SETD7: variants seen among roughly 807,000 people sequenced by gnomAD.
SETD7 encodes the protein SET domain containing 7, histone lysine methyltransferase.
In SETD7, 16 loss-of-function variants were observed where a neutral mutation model predicts 41.8. The observed-to-expected ratio is 0.38, with a 90% CI of 0.26 to 0.58. The LOEUF (loss-of-function observed/expected upper bound fraction) is 0.58, where lower values mean the gene tolerates loss of function less well. Among genes scored for constraint, SETD7 ranks in the 20% least tolerant of loss-of-function variants. SETD7 has a pLI of 0.64. For synonymous variants in SETD7, 163 were observed against 169.7 expected (o/e 0.96, Z 0.31); for missense variants, 346 against 459.7 (o/e 0.75, Z 2.26).
chr4:139,524,706 C>T (rs545006015), intron 4 of SETD7, among the ~76,000 whole-genome samples: 18 of 152,198 alleles, frequency 1.2e-4, no homozygotes, highest in Non-Finnish European at 1.6e-4. Flanking sequence ...CAAGGGGCAG[C>T]AGCCTCTTGC....
chr4:139,513,435 GA>G lies in SETD7; in HGVS notation c.921-1593del, dbSNP rs1261738448. 6.1e-5 allele frequency among the ~76,000 whole-genome samples: 9 copies of G among 146,632 alleles called. No individual in the cohort carries two copies. The East Asian group carries it at 1.2e-3, about 19-fold the overall frequency. On this transcript the variant is annotated intron_variant, in intron 7 of 7. Transcript: ENST00000274031. ...ACTTTGTCTCAAAAAAAAAAAAAAA[GA>G]AAAAAAAGATTGGTGCTTGGGGCAT... is the stretch of plus-strand genomic sequence containing the variant.
chr4:139,512,316 GC>G (rs1158807467), intron 7 of SETD7, among the ~76,000 whole-genome samples: 1 of 152,160 alleles, frequency 6.6e-6, no homozygotes, highest in Non-Finnish European at 1.5e-5. Flanking sequence ...GTAAGAAAGA[GC>G]CCTGTGGATT....
chr4:139,550,561 A>C (rs988959752), intron 1 of SETD7, among the ~76,000 whole-genome samples: 5 of 152,230 alleles, frequency 3.3e-5, no homozygotes, highest in African/African-American at 1.2e-4. Flanking sequence ...GCCACAACCA[A>C]AACAATAACA....
At chr4:139,541,686 C>A (rs1727782567) in intron 2 of SETD7, among the ~76,000 whole-genome samples, 1 of 152,192 alleles carries the variant, frequency 6.6e-6, no homozygotes, top group Admixed American at 6.5e-5. Flanking sequence ...ATTTGTAGGG[C>A]AAACCATCTG....
chr4:139,547,428 C>G lies in SETD7; in HGVS notation c.41-379G>C, dbSNP rs562951502. 9.9e-4 allele frequency among the ~76,000 whole-genome samples: 151 copies of G among 152,310 alleles called. 1 individual carries two copies. Among genetic ancestry groups the G allele is most frequent in the African/African-American group, 3.5e-3 (146 of 41,560 alleles). ...GAGTCCTCATATTTGGAATTGATGC[C>G]TCCAATCTCTCATGCTTAACTGAAG... On this transcript the variant is annotated intron_variant, in intron 1 of 7. Transcript: ENST00000274031.
chr4:139,554,440 C>G (rs1728200951), intron 1 of SETD7, among the ~76,000 whole-genome samples: 1 of 152,224 alleles, frequency 6.6e-6, no homozygotes, highest in African/African-American at 2.4e-5. Context: ...TTAATTTTTA[C>G]AAGTAAAAGT....
chr4:139,521,836 G>T (rs1474183931), intron 5 of SETD7, among the ~76,000 whole-genome samples: 2 of 152,188 alleles, frequency 1.3e-5, no homozygotes, highest in South Asian at 2.1e-4. Flanking sequence ...GCCCTAGGGG[G>T]CTGTTGCTCC....
intron 7 of SETD7, among the ~76,000 whole-genome samples, chr4:139,498,019 CAGG>C (rs755111406): frequency 7.2e-5 from 11 of 152,186 alleles, no homozygotes; most frequent in Non-Finnish European, 1.5e-4. Flanking sequence ...TGGGAAAGTG[CAGG>C]AGATTTACGG....
intron 1 of SETD7, among the ~76,000 whole-genome samples, chr4:139,551,618 C>A (rs1055416911): frequency 1.3e-5 from 2 of 152,190 alleles, no homozygotes; most frequent in Non-Finnish European, 2.9e-5. Flanking sequence ...CTTAATGTCT[C>A]AGGCTTACTC....
chr4:139,522,741 CTTTTTTT>C (rs11357611), intron 5 of SETD7, among the ~76,000 whole-genome samples: 6 of 93,452 alleles, frequency 6.4e-5, no homozygotes, highest in Admixed American at 1.4e-4. Flanking sequence ...CCCAGCTGCT[CTTTTTTT>C]TTTTTTTTTT....
rs1410434193 is a variant in SETD7, at chr4:139,520,333, C to T, written c.706G>A (p.Val236Met). 11 of 1,611,732 alleles carry T rather than the reference C, an allele frequency of 6.8e-6. No individual in the cohort carries two copies. The highest frequency in any genetic ancestry group is 9.3e-6 in the Non-Finnish European group (11 of 1,178,830). ...AGEGLFSKVA[V>M]GPNTVMSFYN... is the part of the protein sequence containing the mutation. The stretch of plus-strand genomic sequence containing the variant: ...AAAGACATAACAGTATTAGGTCCCA[C>T]AGCTACCTTTGAAAAAAGTCCTTCT... Residue 236 changes from valine (V) to methionine (M), a missense_variant, in exon 6 of 8, where the codon GTG becomes ATG. By Grantham distance (21) the Val-to-Met change is conservative. Around this residue, in one of 3 missense-constraint regions of SETD7, gnomAD observed 266 missense variants for 377.0 expected, o/e 0.71. Coordinates refer to ENST00000274031, the MANE Select transcript of SETD7 (RefSeq NM_030648.4).
chr4:139,546,982 A>G lies in SETD7; in HGVS notation c.108T>C (p.Phe36=). The change falls in exon 2 of 8, where the codon TTT becomes TTC. Residue 36 remains phenylalanine, a synonymous_variant. Coordinates refer to ENST00000274031, the MANE Select transcript of SETD7 (RefSeq NM_030648.4). ...TTTCTCCGTGAACAAAGTTCCCCTC[A>G]AATCTGTCTGTGGAGGAGTAGGTGA... is the stretch of plus-strand genomic sequence containing the variant. ...CTVTYSSTDR[F]EGNFVHGEKN... 1.9e-6 allele frequency: 3 copies of G among 1,614,202 alleles called. No individual in the cohort carries two copies. Among genetic ancestry groups the G allele is most frequent in the Non-Finnish European group, 2.5e-6 (3 of 1,180,032 alleles).
chr4:139,548,268 A>G (rs1335311194), intron 1 of SETD7: 1 of 152,262 alleles, frequency 6.6e-6, no homozygotes, highest in Non-Finnish European at 1.5e-5. Context: ...GTCTCCTCAA[A>G]TAATTTATTC....
intron 2 of SETD7, among the ~76,000 whole-genome samples, chr4:139,541,032 A>G (rs1727764201): frequency 6.6e-6 from 1 of 152,214 alleles, no homozygotes; most frequent in Non-Finnish European, 1.5e-5. Context: ...CCCTTTTGGC[A>G]AATGTAGCCA....
rs143297123 is a variant in SETD7, at chr4:139,533,194, G to A, written c.343C>T (p.Arg115Cys). 5.6e-6 allele frequency: 9 copies of A among 1,614,094 alleles called. No homozygotes were observed. Among genetic ancestry groups the A allele is most frequent in the Non-Finnish European group, 7.6e-6 (9 of 1,179,982 alleles). ...TAATATATCCAGCACACTCCATGAC[G>A]AATGTTATCTTTATACTGCCCCTTG... ...IFKGQYKDNI[R>C]HGVCWIYYPD... Residue 115 changes from arginine to cysteine, a missense_variant, in exon 3 of 8, where the codon CGT becomes TGT. Transcript: ENST00000274031.
At chr4:139,535,030 GA>G (rs755807677) in intron 2 of SETD7, among the ~76,000 whole-genome samples, 14 of 152,050 alleles carry the variant, frequency 9.2e-5, no homozygotes, top group Non-Finnish European at 1.8e-4. Context: ...TTCATGAAGA[GA>G]ATAAAGTGCA....
chr4:139,533,394 A>AT, intron 2 of SETD7, 28 bp from the exon 3 acceptor site: 1 of 1,583,146 alleles, frequency 6.3e-7, no homozygotes, highest in Admixed American at 1.7e-5. Context: ...ACAAAAAGGA[A>AT]TAGTCAGACC....
intron 7 of SETD7, among the ~76,000 whole-genome samples, chr4:139,498,246 A>G (rs1726503125): frequency 6.6e-6 from 1 of 152,148 alleles, no homozygotes. Context: ...ATTCCTAGAG[A>G]TAGCAAAGGC....
In SETD7 at chr4:139,507,798, T is replaced by C. The variant is rs2111116134; in HGVS notation, c.*3865A>G. On this transcript the variant is annotated 3_prime_UTR_variant, in exon 8 of 8. Transcript: ENST00000274031. ...GAAAAACAATAATAATCTATCAAGG[T>C]ACCCCAAGTAGATGTAAATTTGATA... 6.6e-6 allele frequency: 1 copy of C among 152,582 alleles called. No homozygotes were observed. The highest frequency in any genetic ancestry group is 2.1e-4 in the South Asian group (1 of 4,830). The allele number at this position is 152,582 out of a possible 1,614,324, so 9.5% of individuals were successfully genotyped here.
Sources: gnomAD v4.1 joint callset for allele counts (sites outside exome capture counted in the v4.1 genomes callset) on GRCh38, gnomAD v4.1.1 for gene constraint, gnomAD v4.1.1 regional missense constraint, MANE v1.5 for transcripts, NCBI Gene and HGNC (gene_info 2026-07-23, HGNC 2026-07-21) for gene names.